CXADR: variants seen among roughly 807,000 people sequenced by gnomAD.
CXADR encodes coxsackievirus and adenovirus receptor.
In CXADR, 20 loss-of-function variants were observed where a neutral mutation model predicts 40.3. The ratio of observed to expected loss-of-function variants is 0.50; its 90% CI spans 0.35 to 0.72. The LOEUF (loss-of-function observed/expected upper bound fraction) is 0.72. Among genes scored for constraint, CXADR ranks in the 30% least tolerant of loss-of-function variants. CXADR has a pLI of 0.01. For missense variants in CXADR, 332 were observed against 449.1 expected (o/e 0.74, Z 2.36); for synonymous variants, 150 against 161.3 (o/e 0.93, Z 0.53).
At chr21:17,580,792 C>T (rs2061354814) in intron 7 of CXADR, among the ~76,000 whole-genome samples, 1 of 151,948 alleles carries the variant, frequency 6.6e-6, no homozygotes, top group Non-Finnish European at 1.5e-5. Flanking sequence ...GCTCTGTCAC[C>T]CAGGCTGGAG....
chr21:17,604,454 A>AG, the CXADR span, among the ~76,000 whole-genome samples: 1 of 152,188 alleles, frequency 6.6e-6, no homozygotes, highest in Non-Finnish European at 1.5e-5. Context: ...CCAAAAAAAA[A>AG]GAGGAGAGAG....
chr21:17,520,402 C>G (rs577980745), intron 1 of CXADR, among the ~76,000 whole-genome samples: 1 of 152,080 alleles, frequency 6.6e-6, no homozygotes, highest in Non-Finnish European at 1.5e-5. Context: ...ACAAGGAAGT[C>G]TAGGTGGGGC....
At chr21:17,540,494 T>G (rs958362835) in intron 1 of CXADR, among the ~76,000 whole-genome samples, 9 of 152,316 alleles carry the variant, frequency 5.9e-5, no homozygotes, top group Admixed American at 2.6e-4. Flanking sequence ...AAGTCAGCAT[T>G]ACTCCCCAGA....
At chr21:17,521,874 G>A (rs2123119788) in intron 1 of CXADR, among the ~76,000 whole-genome samples, 1 of 152,244 alleles carries the variant, frequency 6.6e-6, no homozygotes, top group East Asian at 1.9e-4. Context: ...GCCAATTCCT[G>A]AACTTCAGAC....
chr21:17,595,148 T>C (rs928265682), downstream of CXADR, among the ~76,000 whole-genome samples: 7 of 152,068 alleles, frequency 4.6e-5, no homozygotes, highest in Middle Eastern at 3.2e-3. Flanking sequence ...TTGGGAATAA[T>C]AGTTTTAGAT....
chr21:17,607,905 T>C, the CXADR span, among the ~76,000 whole-genome samples: 2 of 152,242 alleles, frequency 1.3e-5, no homozygotes, highest in Non-Finnish European at 2.9e-5. Context: ...GCATGTTTTA[T>C]AGGAGTCTGC....
At chr21:17,518,883 CT>C in intron 1 of CXADR, 1 of 1,570,116 alleles carries the variant, frequency 6.4e-7, no homozygotes, top group South Asian at 1.1e-5. Flanking sequence ...AACTCTGAAG[CT>C]TTTTGTCATC....
intron 7 of CXADR, among the ~76,000 whole-genome samples, chr21:17,589,898 C>G (rs1569163016): frequency 6.6e-6 from 1 of 152,044 alleles, no homozygotes; most frequent in East Asian, 1.9e-4. Context: ...CCTACACCCT[C>G]ACCAATATTG....
the CXADR span, chr21:17,609,292 G>A: frequency 5.0e-6 from 4 of 799,222 alleles, no homozygotes; most frequent in Non-Finnish European, 7.6e-6. Context: ...TATATCTGAA[G>A]TAGAGAACAA....
intron 1 of CXADR, among the ~76,000 whole-genome samples, chr21:17,541,026 C>G (rs146563467): frequency 9.9e-4 from 151 of 152,110 alleles, no homozygotes; most frequent in Admixed American, 2.9e-3. Flanking sequence ...GTACAGAGTT[C>G]CCCTGTACCC....
intron 1 of CXADR, among the ~76,000 whole-genome samples, chr21:17,529,949 CTTTTTTTTTTTT>C (rs2060649474): frequency 7.0e-6 from 1 of 142,892 alleles, no homozygotes; most frequent in South Asian, 2.3e-4. Flanking sequence ...TTTTCTTTTT[CTTTTTTTTTTTT>C]AATTTGAGAT....
the CXADR span, among the ~76,000 whole-genome samples, chr21:17,618,624 G>A: frequency 1.3e-5 from 2 of 151,766 alleles, no homozygotes; most frequent in Non-Finnish European, 2.9e-5. Context: ...TGCAACCTTT[G>A]CCTCCTGGTT....
At chr21:17,602,721 A>G in the CXADR span, among the ~76,000 whole-genome samples, 2 of 152,234 alleles carry the variant, frequency 1.3e-5, no homozygotes, top group Non-Finnish European at 2.9e-5. Context: ...AATAAGATGA[A>G]AGCAAAGTAG....
Position 17,566,096 on chromosome 21 carries a change from G to A in CXADR, c.*404G>A. On this transcript the variant is annotated 3_prime_UTR_variant, in exon 7 of 7. Transcript: ENST00000284878. ...ATTTTTACCATTATTTTTAGGATGT[G>A]TATTTCATTTATTTATGGCCCACCA... is the stretch of plus-strand genomic sequence containing the variant. The A allele has an allele frequency of 1.0e-6, 1 of 983,680 alleles. No individual in the cohort carries two copies. Among genetic ancestry groups the A allele is most frequent in the Non-Finnish European group, 1.2e-6 (1 of 827,850 alleles). 60.9% of individuals were successfully genotyped at this position (983,680 alleles called of 1,614,324 possible). A position where few individuals can be genotyped will look rare whatever the true frequency, so the allele number is the denominator to read the frequency against.
At chr21:17,513,223 G>T in intron 1 of CXADR, 51 bp downstream of exon 1, 1 of 1,338,884 alleles carries the variant, frequency 7.5e-7, no homozygotes, top group Non-Finnish European at 9.6e-7. Flanking sequence ...GGGGGCGCTC[G>T]CTGCCCGCGG....
At chr21:17,615,973 G>A in the CXADR span, among the ~76,000 whole-genome samples, 1 of 152,130 alleles carries the variant, frequency 6.6e-6, no homozygotes, top group African/African-American at 2.4e-5. Context: ...ACAGTCGGCG[G>A]GTCGTGGTGG....
chr21:17,608,843 A>G, the CXADR span: 1 of 899,556 alleles, frequency 1.1e-6, no homozygotes, highest in South Asian at 2.6e-5. Flanking sequence ...AAAATATACA[A>G]ACACCCCAGA....
At chr21:17,578,157 A>G (rs1245929716) in intron 7 of CXADR, among the ~76,000 whole-genome samples, 1 of 152,148 alleles carries the variant, frequency 6.6e-6, no homozygotes, top group Non-Finnish European at 1.5e-5. Flanking sequence ...GGATTGCTGG[A>G]TCATAGGGTA....
chr21:17,564,473 A>G (rs978187946), intron 6 of CXADR, among the ~76,000 whole-genome samples: 1 of 152,124 alleles, frequency 6.6e-6, no homozygotes, highest in Non-Finnish European at 1.5e-5. Flanking sequence ...TTAGGGAATA[A>G]TGACAAGAAA....
Sources: gnomAD v4.1 joint callset for allele counts (sites outside exome capture counted in the v4.1 genomes callset) on GRCh38, gnomAD v4.1.1 for gene constraint, MANE v1.5 for transcripts, NCBI Gene and HGNC (gene_info 2026-07-23, HGNC 2026-07-21) for gene names.